Variants in MDFIC2 observed in about 807,000 individuals in gnomAD.
MDFIC2 encodes the protein MyoD family inhibitor domain containing 2.
chr3:70,207,465 G>A (rs753883612), intron 2 of MDFIC2, among the ~76,000 whole-genome samples: 6 of 152,072 alleles, frequency 3.9e-5, no homozygotes, highest in East Asian at 3.9e-4. Flanking sequence ...AATTTCTAGC[G>A]AAGTTCTTGA....
chr3:70,265,906 TG>T (rs1275048981), intron 2 of MDFIC2, among the ~76,000 whole-genome samples: 2 of 152,132 alleles, frequency 1.3e-5, no homozygotes, highest in Non-Finnish European at 2.9e-5. Context: ...GAGAACGGCA[TG>T]GGGGAAGCCA....
chr3:70,265,623 A>T (rs1414748980), intron 2 of MDFIC2, among the ~76,000 whole-genome samples: 1 of 152,222 alleles, frequency 6.6e-6, no homozygotes, highest in Non-Finnish European at 1.5e-5. Context: ...AGGTAAGCAG[A>T]TAAGGGACAT....
At chr3:70,238,909 T>A (rs540355139) in intron 2 of MDFIC2, among the ~76,000 whole-genome samples, 1 of 152,338 alleles carries the variant, frequency 6.6e-6, no homozygotes, top group African/African-American at 2.4e-5. Context: ...TCTTCCCATC[T>A]CTTTTTAGAG....
At chr3:70,311,817 A>G (rs1020071146) in intron 2 of MDFIC2, 69 bp downstream of exon 2, 11 of 395,304 alleles carry the variant, frequency 2.8e-5, no homozygotes, top group African/African-American at 1.2e-4. Flanking sequence ...CTTCTCCCAC[A>G]CTATTCCTTG....
intron 2 of MDFIC2, among the ~76,000 whole-genome samples, chr3:70,224,514 T>C (rs1034855271): frequency 6.6e-6 from 1 of 152,194 alleles, no homozygotes; most frequent in African/African-American, 2.4e-5. Context: ...TCTCTGAAGA[T>C]AGGAAAGCAC....
chr3:70,198,592 T>C (rs1362733885), intron 3 of MDFIC2, among the ~76,000 whole-genome samples: 2 of 152,180 alleles, frequency 1.3e-5, no homozygotes, highest in African/African-American at 4.8e-5. Context: ...TTCCTCTTTT[T>C]CTCTCCATCC....
At chr3:70,286,287 T>A (rs1292908950) in intron 2 of MDFIC2, among the ~76,000 whole-genome samples, 2 of 152,190 alleles carry the variant, frequency 1.3e-5, no homozygotes, top group African/African-American at 4.8e-5. Context: ...GGCTAGCCAG[T>A]TTTCCCAGCA....
intron 2 of MDFIC2, among the ~76,000 whole-genome samples, chr3:70,252,301 T>C (rs936170533): frequency 6.6e-6 from 1 of 152,162 alleles, no homozygotes; most frequent in Non-Finnish European, 1.5e-5. Context: ...TGATTTTCCA[T>C]TGGTGTATGG....
chr3:70,207,498 C>T (rs1045559776), intron 2 of MDFIC2, among the ~76,000 whole-genome samples: 2 of 151,898 alleles, frequency 1.3e-5, no homozygotes, highest in African/African-American at 4.8e-5. Context: ...TTTGGAGAGC[C>T]ATAGAGAAGG....
intron 2 of MDFIC2, among the ~76,000 whole-genome samples, chr3:70,260,218 T>G (rs2106660714): frequency 6.6e-6 from 1 of 152,200 alleles, no homozygotes; most frequent in East Asian, 1.9e-4. Flanking sequence ...ATCACAGGCA[T>G]TCCTTAGTTT....
chr3:70,237,430 G>C (rs528019340), intron 2 of MDFIC2, among the ~76,000 whole-genome samples: 3 of 152,134 alleles, frequency 2.0e-5, no homozygotes, highest in Non-Finnish European at 4.4e-5. Context: ...CTTTGTGCAT[G>C]CCTTTCTTTT....
intron 2 of MDFIC2, among the ~76,000 whole-genome samples, chr3:70,310,389 A>G (rs1410799483): frequency 6.6e-6 from 1 of 151,866 alleles, no homozygotes; most frequent in African/African-American, 2.4e-5. Flanking sequence ...TTTTTGAGAC[A>G]GAGTTTTGCT....
intron 2 of MDFIC2, among the ~76,000 whole-genome samples, chr3:70,227,838 T>C (rs1023650423): frequency 2.0e-5 from 3 of 152,090 alleles, no homozygotes; most frequent in African/African-American, 7.2e-5. Flanking sequence ...TAAATGCAGA[T>C]AGTAGTAAGC....
intron 2 of MDFIC2, among the ~76,000 whole-genome samples, chr3:70,297,001 C>A (rs1702295694): frequency 6.6e-6 from 1 of 151,976 alleles, no homozygotes; most frequent in South Asian, 2.1e-4. Flanking sequence ...CAACCGCCTC[C>A]CCCACCACAC....
At chr3:70,227,748 C>A (rs1248991828) in intron 2 of MDFIC2, among the ~76,000 whole-genome samples, 1 of 152,084 alleles carries the variant, frequency 6.6e-6, no homozygotes, top group Non-Finnish European at 1.5e-5. Context: ...CCAATAACTC[C>A]GTGGGATAAG....
intron 2 of MDFIC2, chr3:70,249,257 A>G (rs902683054): frequency 2.0e-5 from 3 of 152,134 alleles, no homozygotes; most frequent in Non-Finnish European, 4.4e-5. Flanking sequence ...GAAGGGACAG[A>G]ACTGGATTCA....
At chr3:70,270,392 GA>G (rs1160095926) in intron 2 of MDFIC2, among the ~76,000 whole-genome samples, 1 of 152,062 alleles carries the variant, frequency 6.6e-6, no homozygotes, top group Non-Finnish European at 1.5e-5. Flanking sequence ...AAAAAGAAAA[GA>G]AAAACACAGA....
chr3:70,252,165 G>C (rs1370778598), intron 2 of MDFIC2, among the ~76,000 whole-genome samples: 1 of 152,176 alleles, frequency 6.6e-6, no homozygotes, highest in Non-Finnish European at 1.5e-5. Flanking sequence ...ATGTGTAATT[G>C]ACCAATGTCC....
At chr3:70,286,462 C>T (rs1156634904) in intron 2 of MDFIC2, among the ~76,000 whole-genome samples, 1 of 151,566 alleles carries the variant, frequency 6.6e-6, no homozygotes, top group African/African-American at 2.4e-5. Flanking sequence ...GTTACTGTAG[C>T]CTTGTAGTAT....
Sources: allele counts gnomAD v4.1 joint callset (sites outside exome capture counted in the v4.1 genomes callset), GRCh38; gene constraint gnomAD v4.1.1; transcripts MANE v1.5; gene names NCBI Gene and HGNC (gene_info 2026-07-23, HGNC 2026-07-21).